The following RIPOR2 variants were observed in gnomAD, a reference collection of about 807,000 sequenced individuals.
RIPOR2 encodes RHO family interacting cell polarization regulator 2.
In RIPOR2, 39 loss-of-function variants were observed where a neutral mutation model predicts 114.5. The ratio of observed to expected loss-of-function variants is 0.34; its 90% CI spans 0.26 to 0.44. The LOEUF is 0.44. RIPOR2 is among the 20% of genes least tolerant of loss of function. The pLI, the probability that RIPOR2 is intolerant of heterozygous loss-of-function variation, is 1.00. For missense variants in RIPOR2, 1,007 were observed against 1,255.1 expected (o/e 0.80, Z 2.99); for synonymous variants, 445 against 484.4 (o/e 0.92, Z 1.07).
Position 24,893,795 on chromosome 6 carries a change from C to T in RIPOR2, c.62-17978G>A, listed in dbSNP as rs542392331. Reference sequence around the variant, plus strand: ...GTTGTCAGGGAACCTTAGATTTTGCCTCTATCATCTGGTTTATAGGGAGAA... The same window carrying T: ...GTTGTCAGGGAACCTTAGATTTTGCTTCTATCATCTGGTTTATAGGGAGAA... On this transcript the variant is annotated intron_variant, in intron 1 of 21. Transcript: ENST00000643898. 3.1e-4 allele frequency among the ~76,000 whole-genome samples: 47 copies of T among 152,290 alleles called. 1 individual carries two copies. The South Asian group carries it at 9.3e-3, about 30-fold the overall frequency.
At chr6:24,901,790 G>C (rs982847116) in intron 1 of RIPOR2, among the ~76,000 whole-genome samples, 1 of 152,154 alleles carries the variant, frequency 6.6e-6, no homozygotes, top group Non-Finnish European at 1.5e-5. Context: ...GACCTCCCGG[G>C]GTGGAGAGCG....
At position 24,883,714 on chromosome 6, in the gene RIPOR2, C is replaced by T. The variant is rs146380722; in HGVS notation, c.62-7897G>A. Among the ~76,000 whole-genome samples, 1 of 152,318 alleles carries T rather than the reference C, an allele frequency of 6.6e-6. No individual in the cohort carries two copies. Among genetic ancestry groups the T allele is most frequent in the African/African-American group, 2.4e-5 (1 of 41,572 alleles). On this transcript the variant is annotated intron_variant, in intron 1 of 21. Transcript: ENST00000643898. The surrounding 1 kb of genome is among the most constrained non-coding windows in gnomAD (Gnocchi z 4.1). Reference sequence around the variant, plus strand: ...GCCAAGAAATCAGGACTTGGAAAAGCTGAATCAGTAAGCAACCAGCTGAGA... The same window carrying T: ...GCCAAGAAATCAGGACTTGGAAAAGTTGAATCAGTAAGCAACCAGCTGAGA...
intron 1 of RIPOR2, among the ~76,000 whole-genome samples, chr6:24,985,763 C>T (rs556633937): frequency 4.1e-4 from 62 of 152,118 alleles, no homozygotes; most frequent in African/African-American, 1.1e-3. Context: ...GTACAGGGTA[C>T]TTGCATGTAG....
chr6:24,949,076 CTT>C (rs10715518), intron 1 of RIPOR2, among the ~76,000 whole-genome samples: 2 of 151,426 alleles, frequency 1.3e-5, no homozygotes, highest in Admixed American at 6.6e-5. Flanking sequence ...CAAATAGTAT[CTT>C]TTTTTTTCCT....
intron 5 of RIPOR2, among the ~76,000 whole-genome samples, chr6:24,869,934 AATT>A (rs1764994328): frequency 6.6e-6 from 1 of 152,170 alleles, no homozygotes; most frequent in African/African-American, 2.4e-5. Flanking sequence ...TTTGAGTTGT[AATT>A]ATTATTATAT....
chr6:24,969,276 A>G (rs1361104012), intron 1 of RIPOR2, among the ~76,000 whole-genome samples: 2 of 152,152 alleles, frequency 1.3e-5, no homozygotes, highest in Non-Finnish European at 2.9e-5. Context: ...GGTCCAAGGA[A>G]CAGCAATATC....
chr6:24,901,136 C>T (rs1171473705), intron 1 of RIPOR2, among the ~76,000 whole-genome samples: 3 of 151,900 alleles, frequency 2.0e-5, no homozygotes, highest in African/African-American at 7.3e-5. Flanking sequence ...ATCTTATGTG[C>T]CAGGCTTGGC....
At chr6:24,907,710 G>A (rs1262252211) in intron 1 of RIPOR2, among the ~76,000 whole-genome samples, 1 of 152,172 alleles carries the variant, frequency 6.6e-6, no homozygotes, top group East Asian at 1.9e-4. Flanking sequence ...GCATAACAGT[G>A]AGGTTCTTGT....
At chr6:24,909,470 G>T (rs1456006936) in intron 1 of RIPOR2, among the ~76,000 whole-genome samples, 1 of 152,106 alleles carries the variant, frequency 6.6e-6, no homozygotes, top group Non-Finnish European at 1.5e-5. Flanking sequence ...GCAAGGGGAA[G>T]AGGGGAATTG....
intron 12 of RIPOR2, chr6:24,847,624 A>G (rs1163856527): frequency 6.4e-7 from 1 of 1,551,598 alleles, no homozygotes; most frequent in East Asian, 2.4e-5. Flanking sequence ...CTTGGCAAAG[A>G]AAGTGTCTTG....
At chr6:24,955,344 C>T (rs906015813) in intron 1 of RIPOR2, among the ~76,000 whole-genome samples, 7 of 152,182 alleles carry the variant, frequency 4.6e-5, no homozygotes, top group Non-Finnish European at 8.8e-5. Context: ...AACCTCTCAT[C>T]AGCCTTGGAT....
intron 1 of RIPOR2, among the ~76,000 whole-genome samples, chr6:24,897,770 GTTTA>G (rs1198124153): frequency 6.6e-6 from 1 of 151,962 alleles, no homozygotes; most frequent in Non-Finnish European, 1.5e-5. Flanking sequence ...TTATTTACTT[GTTTA>G]TTTATTTTTT....
At chr6:24,860,912 C>A in intron 8 of RIPOR2, 61 bp downstream of exon 8, 1 of 1,092,796 alleles carries the variant, frequency 9.2e-7, no homozygotes, top group Non-Finnish European at 1.3e-6. Context: ...TCTCAAACTT[C>A]AAGGAGCTCT....
rs1202046486 is a variant in RIPOR2, at chr6:24,887,338, T to C, written c.62-11521A>G. 2.6e-5 allele frequency among the ~76,000 whole-genome samples: 4 copies of C among 152,308 alleles called. No individual in the cohort carries two copies. The East Asian group carries it at 7.7e-4, about 29-fold the overall frequency. Reference sequence around the variant, plus strand: ...AAAATCATTGGCTCTGCAGCCAGGGTGATCCAGGCTTCACCCAAGTCACCT... The same window carrying C: ...AAAATCATTGGCTCTGCAGCCAGGGCGATCCAGGCTTCACCCAAGTCACCT... On this transcript the variant is annotated intron_variant, in intron 1 of 21. Transcript: ENST00000643898.
At chr6:24,882,038 G>A (rs2113930353) in intron 1 of RIPOR2, among the ~76,000 whole-genome samples, 1 of 152,338 alleles carries the variant, frequency 6.6e-6, no homozygotes, top group Admixed American at 6.5e-5. Flanking sequence ...TTGGAGGGCT[G>A]TTTGGAAGAT....
chr6:25,015,901 T>TGG (rs1353471292), intron 1 of RIPOR2: 1 of 86,220 alleles, frequency 1.2e-5, no homozygotes, highest in African/African-American at 4.8e-5. Flanking sequence ...TTTTGGTTTT[T>TGG]TTTTTTTTTT....
Position 24,897,477 on chromosome 6 carries a change from A to G in RIPOR2, c.62-21660T>C, listed in dbSNP as rs532408573. On this transcript the variant is annotated intron_variant, in intron 1 of 21. Transcript: ENST00000643898. Reference sequence around the variant, plus strand: ...CCCCTCCGCCATCCTCCAGATTTGGATTCCGGATTACACTGTGTGCCACAA... The same window carrying G: ...CCCCTCCGCCATCCTCCAGATTTGGGTTCCGGATTACACTGTGTGCCACAA... Among the ~76,000 whole-genome samples, 31 of 152,296 alleles carry G rather than the reference A, an allele frequency of 2.0e-4. No homozygotes were observed. In the East Asian group the frequency reaches 5.8e-3, roughly 28 times the overall value.
At position 24,825,349 on chromosome 6, in the gene RIPOR2, G is replaced by A. The variant is rs376314031; in HGVS notation, c.2745C>T (p.Leu915=). ...QTMSDLAPSN[L]LAQQEVLRTL... Reference sequence around the variant, plus strand: ...TCCTGAGTACTTCCTGCTGGGCCAGGAGGTTGCTGGGAGCAAGGTCACTCA... The same window carrying A: ...TCCTGAGTACTTCCTGCTGGGCCAGAAGGTTGCTGGGAGCAAGGTCACTCA... The change falls in exon 19 of 22, where the codon CTC becomes CTT. Residue 915 remains leucine, a synonymous_variant. Coordinates refer to ENST00000643898, the MANE Select transcript of RIPOR2 (RefSeq NM_001286445.3). The A allele has an allele frequency of 2.7e-4, 423 of 1,552,038 alleles. 1 individual carries two copies. The highest frequency in any genetic ancestry group is 3.9e-4 in the South Asian group (33 of 84,048).
At chr6:24,970,959 C>T (rs1773764662) in intron 1 of RIPOR2, among the ~76,000 whole-genome samples, 2 of 152,152 alleles carry the variant, frequency 1.3e-5, no homozygotes, top group African/African-American at 4.8e-5. Context: ...CAGTACTCAC[C>T]TCTTTGTGCT....
Sources: allele counts gnomAD v4.1 joint callset (sites outside exome capture counted in the v4.1 genomes callset), GRCh38; gene constraint gnomAD v4.1.1; non-coding constraint Gnocchi (gnomAD v3.1); transcripts MANE v1.5; gene names NCBI Gene and HGNC (gene_info 2026-07-23, HGNC 2026-07-21).